Variants in KLK6 observed in about 807,000 individuals in gnomAD.
KLK6 encodes the protein kallikrein related peptidase 6.
KLK6 carries 16 observed loss-of-function variants against 21.7 expected under a neutral mutation model. That is an observed-to-expected ratio of 0.74 (90% confidence interval 0.50 to 1.12). The LOEUF (loss-of-function observed/expected upper bound fraction) is 1.12. Ranked by LOEUF, KLK6 falls within the 50% of genes most tolerant of loss-of-function variation. KLK6 has a pLI of 0.00. For synonymous variants in KLK6, 116 were observed against 120.1 expected (o/e 0.97, Z 0.22); for missense variants, 276 against 304.6 (o/e 0.91, Z 0.70).
intron 6 of KLK6, among the ~76,000 whole-genome samples, chr19:50,960,774 T>C (rs150721738): frequency 6.8e-6 from 1 of 147,924 alleles, no homozygotes; most frequent in South Asian, 2.1e-4. Context: ...TGTTTTTTGG[T>C]TTTTTTTTGA....
At chr19:50,963,580 G>T in intron 4 of KLK6, 31 bp from the exon 5 acceptor site, 1 of 1,609,956 alleles carries the variant, frequency 6.2e-7, no homozygotes, top group Non-Finnish European at 8.5e-7. Context: ...GTCTCACCTG[G>T]AGCCCTTGGG....
At chr19:50,968,206 G>T in intron 2 of KLK6, 94 bp from the exon 3 acceptor site, 1 of 1,118,154 alleles carries the variant, frequency 8.9e-7, no homozygotes, top group Non-Finnish European at 1.4e-6. Context: ...TTCCTTCCTG[G>T]CCTGCTATGG....
chr19:50,961,510 T>C (rs975079439), intron 6 of KLK6, among the ~76,000 whole-genome samples: 1 of 152,236 alleles, frequency 6.6e-6, no homozygotes, highest in Non-Finnish European at 1.5e-5. Flanking sequence ...TCCTTGTCTC[T>C]GCACTTCCTG....
At chr19:50,962,312 T>G (rs1235230797) in intron 5 of KLK6, 1 of 159,678 alleles carries the variant, frequency 6.3e-6, no homozygotes, top group East Asian at 1.9e-4. Flanking sequence ...TGCCCATTGA[T>G]TCATCTTGAT....
chr19:50,961,774 C>T lies in KLK6; in HGVS notation c.552G>A (p.Gly184=), dbSNP rs747687106. The change falls in exon 6 of 7, where the codon GGG becomes GGA. Residue 184 remains glycine, a synonymous_variant. Transcript: ENST00000310157. Reference sequence around the variant, plus strand: ...AGGAATCCTTCCCGTACTTCTCATCCCCAGCACACAACATGTTCTGGGTGA... The same window carrying T: ...AGGAATCCTTCCCGTACTTCTCATCTCCAGCACACAACATGTTCTGGGTGA... ...GQITQNMLCA[G]DEKYGKDSCQ... is the part of the protein sequence containing the mutation. The T allele has an allele frequency of 1.2e-6, 2 of 1,613,956 alleles. No individual in the cohort carries two copies. Among genetic ancestry groups the T allele is most frequent in the South Asian group, 1.1e-5 (1 of 91,058 alleles).
At chr19:50,967,119 C>T (rs1180328151) in intron 4 of KLK6, 50 bp downstream of exon 4, 2 of 1,607,742 alleles carry the variant, frequency 1.2e-6, no homozygotes, top group Non-Finnish European at 1.7e-6. Flanking sequence ...ATCTATAAGA[C>T]ACCCTCAGGG....
At chr19:50,962,083 C>T in intron 5 of KLK6, 2 of 514,684 alleles carry the variant, frequency 3.9e-6, no homozygotes. Context: ...TATCATTCTT[C>T]CCCCCCATTG....
Position 50,958,973 on chromosome 19 carries a change from C to T in KLK6, c.*191G>A, listed in dbSNP as rs1222782524. ...CGAGGACCCAAGTCCTCACTCATCA[C>T]GTCCTCCCCAGTGATGCAAGGATGG... is the stretch of plus-strand genomic sequence containing the variant. On this transcript the variant is annotated 3_prime_UTR_variant, in exon 7 of 7. Transcript: ENST00000310157. 2.0e-5 allele frequency: 13 copies of T among 636,062 alleles called. No individual in the cohort carries two copies. Among genetic ancestry groups the T allele is most frequent in the African/African-American group, 1.1e-4 (6 of 54,626 alleles). 39.4% of individuals were successfully genotyped at this position (636,062 alleles called of 1,614,324 possible). A position where few individuals can be genotyped will look rare whatever the true frequency, so the allele number is the denominator to read the frequency against.
intron 4 of KLK6, chr19:50,963,797 C>A: frequency 1.9e-6 from 1 of 513,970 alleles, no homozygotes; most frequent in East Asian, 3.5e-5. Context: ...CTGGCCACAT[C>A]TCACCTTTCC....
chr19:50,959,107 C>A lies in KLK6; in HGVS notation c.*57G>T, dbSNP rs569096917. The A allele has an allele frequency of 6.3e-7, 1 of 1,599,766 alleles. No individual in the cohort carries two copies. The highest frequency in any genetic ancestry group is 1.7e-5 in the Admixed American group (1 of 59,798). ...GGGGAGGCAAGGTCTAGGTGAGAGA[C>A]GTTCTGGAACCAGCCAGTGGGGTGG... On this transcript the variant is annotated 3_prime_UTR_variant, in exon 7 of 7. Transcript: ENST00000310157.
In KLK6 at chr19:50,963,294, C is replaced by A. The variant is rs1002696796; in HGVS notation, c.445+8G>T. On this transcript the variant is annotated splice_region_variant and intron_variant, in intron 5 of 6. Coordinates refer to ENST00000310157, the MANE Select transcript of KLK6 (RefSeq NM_002774.4). The stretch of plus-strand genomic sequence containing the variant: ...TAGCCTGCTCCCCACCAGCCTCCCA[C>A]TACTGACCATCTGCTGTCTTGCCCC... 6.2e-7 allele frequency: 1 copy of A among 1,611,068 alleles called. No individual in the cohort carries two copies. Among genetic ancestry groups the A allele is most frequent in the African/African-American group, 1.3e-5 (1 of 74,888 alleles).
intron 4 of KLK6, 132 bp from the exon 5 acceptor site, chr19:50,963,681 C>T: frequency 1.0e-6 from 1 of 984,758 alleles, no homozygotes; most frequent in Non-Finnish European, 1.5e-6. Context: ...ATGGCAATTC[C>T]ATCCTTTCAG....
rs763865409 is a variant in KLK6 at position 50,959,275 on chromosome 19, T to A, written c.624A>T (p.Arg208=). ...GGATGTTACCCCATGACACAAGGCC[T>A]CGGAGGTGGTCTCCACATACCAGCG... ...GGPLVCGDHL[R]GLVSWGNIPC... is the part of the protein sequence containing the mutation. The change falls in exon 7 of 7, where the codon CGA becomes CGT. Residue 208 remains arginine, a synonymous_variant. Transcript: ENST00000310157. The A allele has an allele frequency of 3.7e-6, 6 of 1,613,532 alleles. No homozygotes were observed. The highest frequency in any genetic ancestry group is 5.1e-6 in the Non-Finnish European group (6 of 1,179,930).
intron 4 of KLK6, among the ~76,000 whole-genome samples, chr19:50,965,568 A>G (rs80104867): frequency 0.04 from 6,131 of 152,256 alleles, 399 homozygotes; most frequent in African/African-American, 0.14. Context: ...GTGAGCCACC[A>G]TGCCCAGCCC....
chr19:50,967,168 C>T lies in KLK6; in HGVS notation c.197+1G>A, dbSNP rs191896325. ...GCTGTTCATTTACAGTGTAGACTCA[C>T]GGTTTTTTGCAGTGGGCAGCTGTGA... On this transcript the variant is annotated splice_donor_variant, in intron 4 of 6. Transcript: ENST00000310157. LOFTEE classifies it high-confidence loss of function. The T allele has an allele frequency of 2.0e-5, 33 of 1,612,846 alleles. No individual in the cohort carries two copies. Among genetic ancestry groups the T allele is most frequent in the East Asian group, 6.7e-5 (3 of 44,762 alleles).
chr19:50,959,092 G>T lies in KLK6; in HGVS notation c.*72C>A. 6.4e-7 allele frequency: 1 copy of T among 1,554,624 alleles called. No homozygotes were observed. The highest frequency in any genetic ancestry group is 1.1e-5 in the South Asian group (1 of 88,540). On this transcript the variant is annotated 3_prime_UTR_variant, in exon 7 of 7. Transcript: ENST00000310157. ...CTGGGCAGGAGAGGAGGGGAGGCAA[G>T]GTCTAGGTGAGAGACGTTCTGGAAC...
At chr19:50,960,956 A>G (rs2090832206) in intron 6 of KLK6, among the ~76,000 whole-genome samples, 1 of 152,026 alleles carries the variant, frequency 6.6e-6, no homozygotes, top group African/African-American at 2.4e-5. Context: ...AGTAGAGATG[A>G]GGTTTCCCCA....
chr19:50,965,633 G>A (rs575088577), intron 4 of KLK6, among the ~76,000 whole-genome samples: 4 of 152,190 alleles, frequency 2.6e-5, no homozygotes, highest in Admixed American at 2.6e-4. Flanking sequence ...CAGGGATGAC[G>A]TGTGTGTCCC....
At chr19:50,963,102 T>C (rs914157992) in intron 5 of KLK6, among the ~76,000 whole-genome samples, 200 bp downstream of exon 5, 2 of 152,178 alleles carry the variant, frequency 1.3e-5, no homozygotes, top group African/African-American at 2.4e-5. Flanking sequence ...ACATTTTCCA[T>C]TGGCTGTTCA....
Sources: gnomAD v4.1 joint callset for allele counts (sites outside exome capture counted in the v4.1 genomes callset) on GRCh38, gnomAD v4.1.1 for gene constraint, MANE v1.5 for transcripts, NCBI Gene and HGNC (gene_info 2026-07-23, HGNC 2026-07-21) for gene names.